Variants in ADARB1 observed in about 807,000 individuals in gnomAD.
The protein encoded by ADARB1 is double-stranded RNA-specific editase 1.
In ADARB1, 10 loss-of-function variants were observed where a neutral mutation model predicts 52.4. The observed-to-expected ratio is 0.19, with a 90% CI of 0.12 to 0.32. ADARB1 has a LOEUF of 0.32. Among genes scored for constraint, ADARB1 ranks in the 10% least tolerant of loss-of-function variants. ADARB1 has a pLI of 1.00. For synonymous variants in ADARB1, 349 were observed against 371.1 expected (o/e 0.94, Z 0.68); for missense variants, 643 against 922.3 (o/e 0.70, Z 3.92).
chr21:45,208,719 TGA>T lies in ADARB1; in HGVS notation c.1747+3993_1747+3994del, dbSNP rs568052930. Among the ~76,000 whole-genome samples the T allele has an allele frequency of 7.6e-4, 115 of 151,894 alleles. No homozygotes were observed. Among genetic ancestry groups the T allele is most frequent in the African/African-American group, 2.6e-3 (109 of 41,358 alleles). ...GTGTGTGCACGCTCACATGAGTGTATGAGAGAGAGAGTGTGTGTGTGTGTGTA... is the reference window on the plus strand; with the variant it reads ...GTGTGTGCACGCTCACATGAGTGTATGAGAGAGAGTGTGTGTGTGTGTGTA... On this transcript the variant is annotated intron_variant, in intron 9 of 10. Coordinates refer to ENST00000348831, the MANE Select transcript of ADARB1 (RefSeq NM_001112.4). The surrounding 1 kb of genome is among the most constrained non-coding windows in gnomAD (Gnocchi z 5.6).
intron 1 of ADARB1, among the ~76,000 whole-genome samples, chr21:45,077,590 C>A (rs2085991778): frequency 6.6e-6 from 1 of 151,860 alleles, no homozygotes; most frequent in African/African-American, 2.4e-5. Flanking sequence ...TGGCGTGAAC[C>A]CAGGAGGCGG....
chr21:45,111,382 C>T (rs1336396822), intron 1 of ADARB1, among the ~76,000 whole-genome samples: 1 of 152,158 alleles, frequency 6.6e-6, no homozygotes, highest in Admixed American at 6.5e-5. Context: ...CCCCCTGCCC[C>T]CACACAGGCA....
At chr21:45,143,389 G>T (rs1372781295) in intron 2 of ADARB1, among the ~76,000 whole-genome samples, 1 of 152,158 alleles carries the variant, frequency 6.6e-6, no homozygotes, top group Non-Finnish European at 1.5e-5. Flanking sequence ...TTCCTTCCAG[G>T]CTCTCAGGCT....
Position 45,224,825 on chromosome 21 carries a change from T to A in ADARB1, c.*2628T>A, listed in dbSNP as rs2093036136. On this transcript the variant is annotated 3_prime_UTR_variant, in exon 11 of 11. Transcript: ENST00000348831. ...GTAATCAGAAAAAAAATAAACAAAA[T>A]ACAGAACGCTGACTCCTCCGTGAGA... The A allele has an allele frequency of 1.0e-6, 1 of 985,300 alleles. No individual in the cohort carries two copies. The highest frequency in any genetic ancestry group is 1.2e-6 in the Non-Finnish European group (1 of 829,828). 61.0% of individuals were successfully genotyped at this position (985,300 alleles called of 1,614,324 possible).
At chr21:45,117,328 T>C (rs577617463) in intron 1 of ADARB1, among the ~76,000 whole-genome samples, 2 of 152,282 alleles carry the variant, frequency 1.3e-5, no homozygotes, top group East Asian at 3.9e-4. Context: ...GCTTACAAAA[T>C]GTTGTGTGTG....
chr21:45,184,526 G>A, intron 7 of ADARB1: 2 of 351,138 alleles, frequency 5.7e-6, no homozygotes, highest in Admixed American at 3.3e-5. Context: ...ATGGCTCACT[G>A]CAGCCTCGAC....
rs143989319 is a variant in ADARB1, at chr21:45,113,467, G to GTA, written c.-219-14923_-219-14922dup. Among the ~76,000 whole-genome samples the GTA allele has an allele frequency of 6.8e-3, 1,004 of 147,376 alleles. 9 individuals carry two copies. The highest frequency in any genetic ancestry group is 0.023 in the African/African-American group (900 of 39,954). On this transcript the variant is annotated intron_variant, in intron 1 of 10. Coordinates refer to ENST00000348831, the MANE Select transcript of ADARB1 (RefSeq NM_001112.4). ...ACTATATATATATATGTGTGTGTGT[G>GTA]TATATATATATATGTGTGTGTGTGT...
At position 45,074,755 on chromosome 21, in the gene ADARB1, C is replaced by G. The variant is rs1002515309; in HGVS notation, c.-258C>G. 1 of 146,248 alleles carries G rather than the reference C, an allele frequency of 6.8e-6. No individual in the cohort carries two copies. The highest frequency in any genetic ancestry group is 2.0e-4 in the East Asian group (1 of 5,000). The allele number at this position is 146,248 out of a possible 1,614,324, so 9.1% of individuals were successfully genotyped here. On this transcript the variant is annotated 5_prime_UTR_variant, in exon 1 of 11. Transcript: ENST00000348831. The stretch of plus-strand genomic sequence containing the variant: ...GAGACTGCGGCCGAAGCGTGGGGCG[C>G]GCGTGCGGAGGACCAGGCGCGGCGC...
chr21:45,201,804 A>C (rs1601939050), intron 8 of ADARB1, among the ~76,000 whole-genome samples: 1 of 151,772 alleles, frequency 6.6e-6, no homozygotes, highest in Admixed American at 6.6e-5. Flanking sequence ...GGCGGCAGGG[A>C]AGGGAGACCT....
At chr21:45,212,587 G>A (rs1233921044) in intron 9 of ADARB1, among the ~76,000 whole-genome samples, 1 of 152,094 alleles carries the variant, frequency 6.6e-6, no homozygotes, top group Non-Finnish European at 1.5e-5. Flanking sequence ...CCTGTGTGTG[G>A]TTAGGGCACA....
chr21:45,107,365 A>G (rs1392307864), intron 1 of ADARB1, among the ~76,000 whole-genome samples: 1 of 152,182 alleles, frequency 6.6e-6, no homozygotes, highest in African/African-American at 2.4e-5. Context: ...TGGGCTGGAC[A>G]TGTCGATTCT....
At chr21:45,149,175 T>C (rs2090156325) in intron 2 of ADARB1, among the ~76,000 whole-genome samples, 1 of 152,234 alleles carries the variant, frequency 6.6e-6, no homozygotes, top group Admixed American at 6.5e-5. Flanking sequence ...GTGGCCTCTG[T>C]TCCTGTCTTA....
chr21:45,225,457 A>G lies in ADARB1; in HGVS notation c.*3260A>G. On this transcript the variant is annotated 3_prime_UTR_variant, in exon 11 of 11. Coordinates refer to ENST00000348831, the MANE Select transcript of ADARB1 (RefSeq NM_001112.4). ...CAAGGCATGGATTTCTGTGGAATTT[A>G]TTTTTATTCAAATAACCATATTTAT... 2.3e-6 allele frequency: 3 copies of G among 1,308,440 alleles called. No individual in the cohort carries two copies. Among genetic ancestry groups the G allele is most frequent in the Non-Finnish European group, 2.9e-6 (3 of 1,021,378 alleles). The allele number at this position is 1,308,440 out of a possible 1,614,324, so 81.1% of individuals were successfully genotyped here. A position where few individuals can be genotyped will look rare whatever the true frequency, so the allele number is the denominator to read the frequency against.
chr21:45,187,431 A>G (rs1437230616), intron 8 of ADARB1, among the ~76,000 whole-genome samples: 1 of 152,208 alleles, frequency 6.6e-6, no homozygotes, highest in Non-Finnish European at 1.5e-5. Context: ...GGTTTTCTAC[A>G]TATAAAATTA....
At chr21:45,193,061 T>G (rs1349516028) in intron 8 of ADARB1, among the ~76,000 whole-genome samples, 3 of 152,170 alleles carry the variant, frequency 2.0e-5, no homozygotes, top group Non-Finnish European at 4.4e-5. Flanking sequence ...AAAATTGAAG[T>G]GAAAGAGATA....
At chr21:45,196,199 G>A (rs114708580) in intron 8 of ADARB1, among the ~76,000 whole-genome samples, 2 of 151,774 alleles carry the variant, frequency 1.3e-5, no homozygotes, top group Non-Finnish European at 2.9e-5. Flanking sequence ...TTCATTGCTG[G>A]TCACAGTTAA....
chr21:45,144,254 G>T (rs2089898965), intron 2 of ADARB1, among the ~76,000 whole-genome samples: 1 of 152,102 alleles, frequency 6.6e-6, no homozygotes, highest in Non-Finnish European at 1.5e-5. Context: ...GTAGAAAAAT[G>T]CTTTTAAGAG....
chr21:45,176,595 C>G lies in ADARB1; in HGVS notation c.894C>G (p.Asn298Lys), dbSNP rs1211575554. Reference sequence around the variant, plus strand: ...AGTCTGCCCTGGCCGCCATTTTTAACTTGCACTTGGATCAGACGCCATCTC... The same window carrying G: ...AGTCTGCCCTGGCCGCCATTTTTAAGTTGCACTTGGATCAGACGCCATCTC... ...AAQSALAAIF[N>K]LHLDQTPSRQ... Residue 298 changes from asparagine to lysine, a missense_variant, in exon 4 of 11, where the codon AAC becomes AAG. Physicochemically the swap from Asn to Lys is moderately conservative, Grantham distance 94. Coordinates refer to ENST00000348831, the MANE Select transcript of ADARB1 (RefSeq NM_001112.4). This position sits in a 1 kb window ranked among gnomAD's most constrained non-coding sequence, Gnocchi z 5.8. 6 of 1,614,152 alleles carry G rather than the reference C, an allele frequency of 3.7e-6. No homozygotes were observed. The highest frequency in any genetic ancestry group is 1.3e-5 in the African/African-American group (1 of 75,054).
chr21:45,156,660 C>T (rs993360187), intron 2 of ADARB1, among the ~76,000 whole-genome samples: 2 of 152,198 alleles, frequency 1.3e-5, no homozygotes, highest in Non-Finnish European at 1.5e-5. Flanking sequence ...TCCATTCATC[C>T]ATCCACCCCC....
Sources: allele counts gnomAD v4.1 joint callset (sites outside exome capture counted in the v4.1 genomes callset), GRCh38; gene constraint gnomAD v4.1.1; non-coding constraint Gnocchi (gnomAD v3.1); transcripts MANE v1.5; gene names NCBI Gene and HGNC (gene_info 2026-07-23, HGNC 2026-07-21).